DRC11: variants seen among roughly 807,000 people sequenced by gnomAD.
DRC11 encodes IQ and AAA domain-containing protein 1.
At chr2:236,373,826 G>A in the DRC11 span, among the ~76,000 whole-genome samples, 4 of 152,106 alleles carry the variant, frequency 2.6e-5, no homozygotes, top group Non-Finnish European at 5.9e-5. Flanking sequence ...TGCTTTCTGA[G>A]ATGTTCTGGC....
At chr2:236,463,147 T>C in the DRC11 span, among the ~76,000 whole-genome samples, 2 of 152,192 alleles carry the variant, frequency 1.3e-5, no homozygotes, top group Non-Finnish European at 2.9e-5. The surrounding 1 kb of genome is among the most constrained non-coding windows in gnomAD (Gnocchi z 5.0). Flanking sequence ...TACTATGATA[T>C]ATTTCTAACA....
At chr2:236,418,929 C>T in the DRC11 span, among the ~76,000 whole-genome samples, 4 of 152,150 alleles carry the variant, frequency 2.6e-5, no homozygotes, top group Admixed American at 6.5e-5. Context: ...GTTGAAATCA[C>T]GATTGATCCT....
At chr2:236,463,500 T>A in the DRC11 span, among the ~76,000 whole-genome samples, 22 of 152,318 alleles carry the variant, frequency 1.4e-4, no homozygotes, top group South Asian at 2.9e-3. The surrounding 1 kb of genome is among the most constrained non-coding windows in gnomAD (Gnocchi z 5.0). Context: ...TTAAAAGTCA[T>A]CACTTTTAAA....
At chr2:236,366,954 C>T in the DRC11 span, among the ~76,000 whole-genome samples, 5 of 150,832 alleles carry the variant, frequency 3.3e-5, no homozygotes, top group South Asian at 1.0e-3. Context: ...GGATTACAGG[C>T]ACCTGCCACC....
At chr2:236,507,378 GT>G in the DRC11 span, 1 of 1,120,190 alleles carries the variant, frequency 8.9e-7, no homozygotes, top group Non-Finnish European at 1.4e-6. Flanking sequence ...GAGGATTTGG[GT>G]GGGGGGTCTT....
At chr2:236,408,049 T>C in the DRC11 span, 1 of 581,604 alleles carries the variant, frequency 1.7e-6, no homozygotes, top group South Asian at 1.4e-5. The surrounding 1 kb of genome is among the most constrained non-coding windows in gnomAD (Gnocchi z 5.5). Context: ...CACTCACTTC[T>C]TGGTTCCCAC....
At chr2:236,497,195 C>T in the DRC11 span, 22 of 1,612,224 alleles carry the variant, frequency 1.4e-5, no homozygotes, top group East Asian at 2.2e-5. The surrounding 1 kb of genome is among the most constrained non-coding windows in gnomAD (Gnocchi z 5.1). Flanking sequence ...AGGATATCAT[C>T]GAAATAATGG....
the DRC11 span, chr2:236,488,239 A>G: frequency 7.4e-7 from 1 of 1,356,140 alleles, no homozygotes; most frequent in African/African-American, 1.5e-5. Context: ...TGTTAACCAC[A>G]TCAATTGATC....
the DRC11 span, among the ~76,000 whole-genome samples, chr2:236,452,777 T>C: frequency 3.0e-4 from 46 of 152,222 alleles, no homozygotes; most frequent in African/African-American, 1.1e-3. This position sits in a 1 kb window ranked among gnomAD's most constrained non-coding sequence, Gnocchi z 4.7. Flanking sequence ...TCCTTCTTGA[T>C]TGGAAAGTAT....
the DRC11 span, among the ~76,000 whole-genome samples, chr2:236,462,235 C>T: frequency 6.6e-6 from 1 of 152,096 alleles, no homozygotes; most frequent in African/African-American, 2.4e-5. This position sits in a 1 kb window ranked among gnomAD's most constrained non-coding sequence, Gnocchi z 6.4. Flanking sequence ...AACCAGCAGC[C>T]AGCAGAGCCG....
the DRC11 span, among the ~76,000 whole-genome samples, chr2:236,473,082 AT>A: frequency 3.8e-3 from 576 of 152,312 alleles, no homozygotes; most frequent in Admixed American, 6.1e-3. This position sits in a 1 kb window ranked among gnomAD's most constrained non-coding sequence, Gnocchi z 4.8. Flanking sequence ...TGAGAATAAT[AT>A]TTTTTTAAAT....
At chr2:236,442,696 T>C in the DRC11 span, among the ~76,000 whole-genome samples, 1 of 152,252 alleles carries the variant, frequency 6.6e-6, no homozygotes, top group African/African-American at 2.4e-5. Context: ...CATTTCATCA[T>C]ATTGAAAAGC....
At chr2:236,383,438 T>C in the DRC11 span, among the ~76,000 whole-genome samples, 3 of 152,172 alleles carry the variant, frequency 2.0e-5, no homozygotes, top group Non-Finnish European at 4.4e-5. Context: ...CTCTATTTCA[T>C]GGATTTCTGC....
At chr2:236,324,534 G>A in the DRC11 span, 1 of 575,086 alleles carries the variant, frequency 1.7e-6, no homozygotes, top group Non-Finnish European at 3.1e-6. This position sits in a 1 kb window ranked among gnomAD's most constrained non-coding sequence, Gnocchi z 5.7. Context: ...CAGCTCACCT[G>A]CACACTGCTA....
the DRC11 span, among the ~76,000 whole-genome samples, chr2:236,457,597 G>A: frequency 2.6e-5 from 4 of 152,194 alleles, no homozygotes; most frequent in Non-Finnish European, 5.9e-5. The surrounding 1 kb of genome is among the most constrained non-coding windows in gnomAD (Gnocchi z 4.7). Context: ...TTTTGTAGGC[G>A]TGATTAAGAT....
chr2:236,327,920 G>T, the DRC11 span, among the ~76,000 whole-genome samples: 1 of 152,178 alleles, frequency 6.6e-6, no homozygotes, highest in Non-Finnish European at 1.5e-5. Flanking sequence ...GACCTCAGGT[G>T]ATCTGCCCGC....
chr2:236,446,865 G>A, the DRC11 span, among the ~76,000 whole-genome samples: 2 of 151,968 alleles, frequency 1.3e-5, no homozygotes, highest in African/African-American at 2.4e-5. This position sits in a 1 kb window ranked among gnomAD's most constrained non-coding sequence, Gnocchi z 6.2. Context: ...GAGCTGATTC[G>A]TCCACCTCGG....
chr2:236,319,103 C>G, the DRC11 span, among the ~76,000 whole-genome samples: 9 of 152,358 alleles, frequency 5.9e-5, no homozygotes, highest in African/African-American at 2.2e-4. The surrounding 1 kb of genome is among the most constrained non-coding windows in gnomAD (Gnocchi z 6.7). Flanking sequence ...TCACAGGACC[C>G]TTCTGCCATG....
At chr2:236,427,026 T>C in the DRC11 span, among the ~76,000 whole-genome samples, 1 of 152,246 alleles carries the variant, frequency 6.6e-6, no homozygotes, top group Non-Finnish European at 1.5e-5. The surrounding 1 kb of genome is among the most constrained non-coding windows in gnomAD (Gnocchi z 5.9). Context: ...TCTGCATCTA[T>C]TAAAATGATC....
Sources: allele counts gnomAD v4.1 joint callset (sites outside exome capture counted in the v4.1 genomes callset), GRCh38; gene constraint gnomAD v4.1.1; non-coding constraint Gnocchi (gnomAD v3.1); transcripts MANE v1.5; gene names NCBI Gene and HGNC (gene_info 2026-07-23, HGNC 2026-07-21).